Variants in ST8SIA6 observed in about 807,000 individuals in gnomAD.
ST8SIA6 encodes the protein alpha-2,8-sialyltransferase 8F.
A neutral mutation model predicts 33.6 loss-of-function variants in ST8SIA6; 39 were observed. The observed-to-expected ratio is 1.16, with a 90% CI of 0.90 to 1.52. The LOEUF (loss-of-function observed/expected upper bound fraction) is 1.52, where lower values mean the gene tolerates loss of function less well. ST8SIA6 is among the 40% of genes most tolerant of loss of function. The pLI is 0.00. For synonymous variants in ST8SIA6, 172 were observed against 167.2 expected (o/e 1.03, Z -0.22); for missense variants, 441 against 443.8 (o/e 0.99, Z 0.06).
chr10:17,332,726 C>A (rs1848340476), intron 4 of ST8SIA6, among the ~76,000 whole-genome samples: 1 of 152,112 alleles, frequency 6.6e-6, no homozygotes, highest in Admixed American at 6.6e-5. Context: ...TCCCAATGTG[C>A]TATTTCTTGA....
chr10:17,413,615 T>C (rs193275697), intron 2 of ST8SIA6: 2 of 152,334 alleles, frequency 1.3e-5, no homozygotes, highest in East Asian at 3.9e-4. Flanking sequence ...ACAGAAATAC[T>C]GACCATTTTG....
At chr10:17,352,713 G>T (rs941929853) in intron 4 of ST8SIA6, among the ~76,000 whole-genome samples, 1 of 152,118 alleles carries the variant, frequency 6.6e-6, no homozygotes, top group African/African-American at 2.4e-5. Flanking sequence ...GAAGACCAAG[G>T]AGAGGAGCTA....
rs569606708 is a variant in ST8SIA6 at position 17,377,310 on chromosome 10, C to A, written c.290+13221G>T. Among the ~76,000 whole-genome samples the A allele has an allele frequency of 9.8e-5, 15 of 152,294 alleles. No individual in the cohort carries two copies. In the East Asian group the frequency reaches 2.7e-3, roughly 27 times the overall value. On this transcript the variant is annotated intron_variant, in intron 3 of 7. Transcript: ENST00000377602. The stretch of plus-strand genomic sequence containing the variant: ...TCTCTCCCTTTGCTGACTCCCTTTT[C>A]GGACTTGGTCTGCCTCCACCCAGGT...
At chr10:17,342,553 G>A (rs1479637021) in intron 4 of ST8SIA6, among the ~76,000 whole-genome samples, 1 of 152,170 alleles carries the variant, frequency 6.6e-6, no homozygotes, top group East Asian at 1.9e-4. Flanking sequence ...ATGGCTGCGA[G>A]GTTTTTACTA....
At chr10:17,361,213 G>C (rs1168635500) in intron 3 of ST8SIA6, among the ~76,000 whole-genome samples, 1 of 151,910 alleles carries the variant, frequency 6.6e-6, no homozygotes, top group African/African-American at 2.4e-5. Context: ...AATTCAATGA[G>C]ATGAAAAGCT....
At chr10:17,333,709 ATATATATATTTTTTT>A (rs1453749217) in intron 4 of ST8SIA6, among the ~76,000 whole-genome samples, 94 of 25,880 alleles carry the variant, frequency 3.6e-3, no homozygotes, top group Admixed American at 5.0e-3. Context: ...ATATATATAT[ATATATATATTTTTTT>A]TTTTTTTTTT....
At chr10:17,329,135 C>T (rs920206867) in intron 5 of ST8SIA6, among the ~76,000 whole-genome samples, 2 of 152,196 alleles carry the variant, frequency 1.3e-5, no homozygotes, top group African/African-American at 4.8e-5. Context: ...GGTTTCAGTA[C>T]AACTCTCTTT....
intron 2 of ST8SIA6, among the ~76,000 whole-genome samples, chr10:17,419,370 A>C (rs975071462): frequency 5.3e-5 from 8 of 152,026 alleles, no homozygotes; most frequent in Non-Finnish European, 1.0e-4. Context: ...TGTCTGTACA[A>C]AAAATTTTTA....
rs753562099 is a variant in ST8SIA6 at position 17,448,782 on chromosome 10, ATTTTTTT to A, written c.200+4770_200+4776del. Among the ~76,000 whole-genome samples the A allele has an allele frequency of 4.9e-3, 600 of 123,556 alleles. 6 individuals are homozygous for A. Among genetic ancestry groups the A allele is most frequent in the African/African-American group, 0.017 (565 of 33,436 alleles). 81.1% of individuals were successfully genotyped at this position (123,556 alleles called of 152,430 possible). ...AGGTGCCCGCCACCACGCCAGGCTA[ATTTTTTT>A]TTTTTTTTTTTTTTTGTTAGAGACA... On this transcript the variant is annotated intron_variant, in intron 2 of 7. Transcript: ENST00000377602.
At chr10:17,389,356 C>T (rs1850498298) in intron 3 of ST8SIA6, among the ~76,000 whole-genome samples, 1 of 152,186 alleles carries the variant, frequency 6.6e-6, no homozygotes, top group South Asian at 2.1e-4. Context: ...TGGGCGTTTA[C>T]ATTATCCTGA....
chr10:17,436,836 A>T (rs1024621181), intron 2 of ST8SIA6, among the ~76,000 whole-genome samples: 12 of 152,022 alleles, frequency 7.9e-5, no homozygotes, highest in Non-Finnish European at 1.3e-4. Context: ...GGTTTTATAA[A>T]GGGTAGTTTT....
chr10:17,391,134 A>G (rs1028710873), intron 2 of ST8SIA6, among the ~76,000 whole-genome samples: 12 of 152,318 alleles, frequency 7.9e-5, no homozygotes, highest in African/African-American at 2.2e-4. Flanking sequence ...CTGGGATTAC[A>G]GGCGTGAGCC....
intron 2 of ST8SIA6, among the ~76,000 whole-genome samples, chr10:17,431,209 G>A (rs1852091467): frequency 6.6e-6 from 1 of 152,174 alleles, no homozygotes; most frequent in Non-Finnish European, 1.5e-5. Context: ...ACATGAGGAT[G>A]AGAACTAGCC....
intron 3 of ST8SIA6, among the ~76,000 whole-genome samples, chr10:17,387,598 T>C (rs1850429499): frequency 6.6e-6 from 1 of 152,146 alleles, no homozygotes; most frequent in Non-Finnish European, 1.5e-5. Context: ...GGGCTATCCT[T>C]CTGTGAGAAA....
chr10:17,418,650 A>T (rs1365127256), intron 2 of ST8SIA6, among the ~76,000 whole-genome samples: 2 of 152,244 alleles, frequency 1.3e-5, no homozygotes, highest in Non-Finnish European at 2.9e-5. Context: ...TTAGCCAGAC[A>T]TATGGCCTCC....
intron 4 of ST8SIA6, among the ~76,000 whole-genome samples, chr10:17,346,061 C>T (rs978280412): frequency 1.3e-5 from 2 of 152,178 alleles, no homozygotes; most frequent in South Asian, 2.1e-4. Flanking sequence ...TCTCTTGGAA[C>T]GTTCATTCTC....
intron 2 of ST8SIA6, among the ~76,000 whole-genome samples, chr10:17,450,774 G>A (rs1257783086): frequency 6.6e-6 from 1 of 152,166 alleles, no homozygotes; most frequent in African/African-American, 2.4e-5. Context: ...GAGATGAGAT[G>A]GTAGGAGCAA....
intron 4 of ST8SIA6, among the ~76,000 whole-genome samples, chr10:17,343,342 A>G (rs1175895080): frequency 6.6e-6 from 1 of 152,228 alleles, no homozygotes; most frequent in Non-Finnish European, 1.5e-5. Flanking sequence ...CGGTTGTGCA[A>G]GCAAAGAACA....
At chr10:17,437,032 C>A (rs1268893244) in intron 2 of ST8SIA6, among the ~76,000 whole-genome samples, 1 of 152,222 alleles carries the variant, frequency 6.6e-6, no homozygotes. Context: ...AAACTCCCAA[C>A]CTTCTCTTTG....
Sources: gnomAD v4.1 joint callset for allele counts (sites outside exome capture counted in the v4.1 genomes callset) on GRCh38, gnomAD v4.1.1 for gene constraint, MANE v1.5 for transcripts, NCBI Gene and HGNC (gene_info 2026-07-23, HGNC 2026-07-21) for gene names.